Variants in MOB2 observed in about 807,000 individuals in gnomAD.
The protein encoded by MOB2 is MOB kinase activator 2.
In MOB2, 14 loss-of-function variants were observed where a neutral mutation model predicts 27.4. That is an observed-to-expected ratio of 0.51 (90% CI 0.34 to 0.80). The LOEUF is 0.80. Among genes scored for constraint, MOB2 ranks in the 30% least tolerant of loss-of-function variants. MOB2 has a pLI of 0.01. For missense variants in MOB2, 304 were observed against 354.6 expected (o/e 0.86, Z 1.15); for synonymous variants, 167 against 151.8 (o/e 1.10, Z -0.74).
rs1847772106 is a variant in MOB2 at position 1,470,403 on chromosome 11, G to A, written c.576C>T (p.Ala192=). 1 of 1,613,600 alleles carries A rather than the reference G, an allele frequency of 6.2e-7. No homozygotes were observed. Among genetic ancestry groups the A allele is most frequent in the African/African-American group, 1.3e-5 (1 of 74,926 alleles). ...CCAGGGCCAGCGTCTCCTTGAAGTGGGCCCAGTAGATGTGTGCCAGCACGT... is the reference window on the plus strand; with the variant it reads ...CCAGGGCCAGCGTCTCCTTGAAGTGAGCCCAGTAGATGTGTGCCAGCACGT... The part of the protein sequence containing the change: ...LFHVLAHIYW[A]HFKETLALEL... The change falls in exon 5 of 5, where the codon GCC becomes GCT. Residue 192 remains alanine, a synonymous_variant. Coordinates refer to ENST00000329957, the MANE Select transcript of MOB2 (RefSeq NM_001172223.3).
At chr11:1,484,941 C>A (rs1590768727) in intron 1 of MOB2, among the ~76,000 whole-genome samples, 1 of 152,210 alleles carries the variant, frequency 6.6e-6, no homozygotes, top group Non-Finnish European at 1.5e-5. Flanking sequence ...ACAAAGCGAG[C>A]TTTTACCAGC....
At chr11:1,476,056 C>T (rs1030111617) in intron 3 of MOB2, among the ~76,000 whole-genome samples, 2 of 152,192 alleles carry the variant, frequency 1.3e-5, no homozygotes, top group African/African-American at 4.8e-5. Flanking sequence ...CACACGGGGG[C>T]CGAGGCACAG....
intron 1 of MOB2, 22 bp downstream of exon 1, chr11:1,486,425 C>A (rs1399584668): frequency 2.0e-6 from 3 of 1,517,554 alleles, no homozygotes; most frequent in Admixed American, 3.9e-5. Context: ...ACCCCTCCCC[C>A]AGCCAGGCTG....
chr11:1,471,021 G>C (rs530306480), intron 4 of MOB2, among the ~76,000 whole-genome samples: 1 of 152,264 alleles, frequency 6.6e-6, no homozygotes, highest in Non-Finnish European at 1.5e-5. Flanking sequence ...AGAGCAGCAT[G>C]AGCGGCAGAA....
At chr11:1,481,008 G>A (rs1232560746) in intron 1 of MOB2, 123 bp from the exon 2 acceptor site, 2 of 1,209,172 alleles carry the variant, frequency 1.7e-6, no homozygotes, top group African/African-American at 1.5e-5. Flanking sequence ...GGGCGACACT[G>A]CCTCCCTGCC....
rs970102212 is a variant in MOB2, at chr11:1,486,301, G to A, written c.110+146C>T. 6.1e-6 allele frequency: 4 copies of A among 654,670 alleles called. No individual in the cohort carries two copies. In the African/African-American group the frequency reaches 7.1e-5, roughly 12 times the overall value. The allele number at this position is 654,670 out of a possible 1,614,324, so 40.6% of individuals were successfully genotyped here. On this transcript the variant is annotated intron_variant, in intron 1 of 4. Transcript: ENST00000329957. ...GACAGCTTGCGTGTGGCCCAGCACA[G>A]CTCGCTGCACAGCCGCCGGCCACAC...
chr11:1,470,119 A>G lies in MOB2; in HGVS notation c.*53T>C, dbSNP rs754896503. ...GTGTGCACACGCAGATGCAGGAGAG[A>G]ACACACACCACCGTCTCTTTGCACA... On this transcript the variant is annotated 3_prime_UTR_variant, in exon 5 of 5. Transcript: ENST00000329957. 2.6e-6 allele frequency: 4 copies of G among 1,551,518 alleles called. No individual in the cohort carries two copies. Among genetic ancestry groups the G allele is most frequent in the Non-Finnish European group, 3.5e-6 (4 of 1,148,486 alleles).
Position 1,471,302 on chromosome 11 carries a change from T to C in MOB2, c.483A>G (p.Thr161=). Residue 161 remains threonine, a synonymous_variant, in exon 4 of 5, where the codon ACA becomes ACG. Transcript: ENST00000329957. ...GTGCTGGGGGAGACGAACCGTATTT[T>C]GTGGGGAACACGTCCTCATCCGTCA... The part of the protein sequence containing the change: ...KLVTDEDVFP[T]KYGREFPSSF... 1 of 1,612,854 alleles carries C rather than the reference T, an allele frequency of 6.2e-7. No individual in the cohort carries two copies. Among genetic ancestry groups the C allele is most frequent in the Non-Finnish European group, 8.5e-7 (1 of 1,179,520 alleles).
rs544969318 is a variant in MOB2, at chr11:1,486,593, C to A, written c.-37G>T. 2 of 1,440,350 alleles carry A rather than the reference C, an allele frequency of 1.4e-6. No homozygotes were observed. Among genetic ancestry groups the A allele is most frequent in the South Asian group, 2.5e-5 (2 of 81,632 alleles). The allele number at this position is 1,440,350 out of a possible 1,614,324, so 89.2% of individuals were successfully genotyped here. A position where few individuals can be genotyped will look rare whatever the true frequency, so the allele number is the denominator to read the frequency against. On this transcript the variant is annotated 5_prime_UTR_variant, in exon 1 of 5. Coordinates refer to ENST00000329957, the MANE Select transcript of MOB2 (RefSeq NM_001172223.3). ...GGGAAGGTGGGGAGGAGAAGCGGGG[C>A]GGGGTGCCGGCTGGCCAGCACTCGC...
intron 3 of MOB2, 40 bp from the exon 4 acceptor site, chr11:1,471,459 C>T (rs1847790000): frequency 6.3e-7 from 1 of 1,576,862 alleles, no homozygotes; most frequent in Non-Finnish European, 8.6e-7. Flanking sequence ...GCGCCCGCTG[C>T]ACACCCACCC....
intron 3 of MOB2, among the ~76,000 whole-genome samples, chr11:1,474,338 C>A (rs1181801694): frequency 6.6e-6 from 1 of 152,174 alleles, no homozygotes; most frequent in Non-Finnish European, 1.5e-5. Context: ...GTGTGATTTG[C>A]AAATGTTTTC....
intron 1 of MOB2, chr11:1,481,346 C>T (rs910317810): frequency 4.6e-5 from 11 of 241,488 alleles, no homozygotes; most frequent in Non-Finnish European, 9.4e-5. Flanking sequence ...TACCACAGGC[C>T]TTGTGCAGGG....
At chr11:1,476,539 A>G (rs184216456) in intron 3 of MOB2, among the ~76,000 whole-genome samples, 7 of 152,306 alleles carry the variant, frequency 4.6e-5, no homozygotes, top group Admixed American at 2.0e-4. Flanking sequence ...AAGGCTTACC[A>G]ATTTATTACC....
At position 1,480,762 on chromosome 11, in the gene MOB2, G is replaced by C. The variant is rs1270067864; in HGVS notation, c.234C>G (p.Pro78=). Residue 78 remains proline (P), a synonymous_variant, in exon 2 of 5, where the codon CCC becomes CCG. Transcript: ENST00000329957. ...GCCACTCGTTAAGGTCAATCTCGCG[G>C]GGCAGCACCACCAGCTCCTTGAACT... ...DFQFKELVVL[P]REIDLNEWLA... The C allele has an allele frequency of 6.2e-7, 1 of 1,606,090 alleles. No homozygotes were observed. Among genetic ancestry groups the C allele is most frequent in the Non-Finnish European group, 8.5e-7 (1 of 1,176,880 alleles).
In MOB2 at chr11:1,470,393, C is replaced by G; in HGVS notation, c.586G>C (p.Glu196Gln). 6.2e-7 allele frequency: 1 copy of G among 1,613,730 alleles called. No homozygotes were observed. Among genetic ancestry groups the G allele is most frequent in the Non-Finnish European group, 8.5e-7 (1 of 1,179,896 alleles). Residue 196 changes from glutamate (E) to glutamine (Q), a missense_variant, in exon 5 of 5, where the codon GAG becomes CAG. Physicochemically the swap from Glu to Gln is conservative, Grantham distance 29. Coordinates refer to ENST00000329957, the MANE Select transcript of MOB2 (RefSeq NM_001172223.3). ...LAHIYWAHFKETLALELHGHL... is the reference protein window; with the variant it reads ...LAHIYWAHFKQTLALELHGHL... Reference sequence around the variant, plus strand: ...CCGTGCAGCTCCAGGGCCAGCGTCTCCTTGAAGTGGGCCCAGTAGATGTGT... The same window carrying G: ...CCGTGCAGCTCCAGGGCCAGCGTCTGCTTGAAGTGGGCCCAGTAGATGTGT...
chr11:1,486,147 G>A (rs1248180190), intron 1 of MOB2, among the ~76,000 whole-genome samples: 4 of 152,242 alleles, frequency 2.6e-5, no homozygotes, highest in African/African-American at 9.6e-5. Context: ...CGAAGGTCGA[G>A]GACACCAAGA....
chr11:1,473,942 G>T (rs755323350), intron 3 of MOB2, among the ~76,000 whole-genome samples: 2 of 149,010 alleles, frequency 1.3e-5, no homozygotes, highest in African/African-American at 4.9e-5. Context: ...TTGCACGGAG[G>T]CCCCTGGGAT....
chr11:1,479,997 G>A (rs932532223), intron 3 of MOB2, among the ~76,000 whole-genome samples: 3 of 152,236 alleles, frequency 2.0e-5, no homozygotes, highest in Admixed American at 1.3e-4. Flanking sequence ...AGGTAACTGA[G>A]CCCCCATGAA....
At chr11:1,484,409 C>T (rs1847948546) in intron 1 of MOB2, among the ~76,000 whole-genome samples, 1 of 152,186 alleles carries the variant, frequency 6.6e-6, no homozygotes, top group Non-Finnish European at 1.5e-5. Flanking sequence ...CAGCCATCTG[C>T]ACCGGGCCCC....
Sources: allele counts gnomAD v4.1 joint callset (sites outside exome capture counted in the v4.1 genomes callset), GRCh38; gene constraint gnomAD v4.1.1; transcripts MANE v1.5; gene names NCBI Gene and HGNC (gene_info 2026-07-23, HGNC 2026-07-21).